Variants in THBS2 observed in about 807,000 individuals in gnomAD.
THBS2 encodes the protein thrombospondin-2.
Under a neutral mutation model 135.2 loss-of-function variants are expected in THBS2, and 47 were observed. The ratio of observed to expected loss-of-function variants is 0.35; its 90% confidence interval spans 0.28 to 0.44. The LOEUF is 0.44. Ranked by LOEUF, THBS2 falls within the 20% of genes least tolerant of loss-of-function variation. THBS2 has a pLI of 1.00. For synonymous variants in THBS2, 639 were observed against 633.8 expected (o/e 1.01, Z -0.12); for missense variants, 1,288 against 1,603.1 (o/e 0.80, Z 3.36).
chr6:169,248,834 T>A lies in THBS2; in HGVS notation c.192A>T (p.Pro64=), dbSNP rs762093027. The change falls in exon 3 of 22, where the codon CCA becomes CCT. Residue 64 remains proline, a synonymous_variant. Transcript: ENST00000617924. ...TGCTGAGGTCATCTGCGTTCACCGG[T>A]GGGATGTAGTCAAAGCGCACGAAGC... The part of the protein sequence containing the change: ...AYRFVRFDYI[P]PVNADDLSKI... The A allele has an allele frequency of 4.3e-6, 7 of 1,610,718 alleles. No homozygotes were observed. The Admixed American group carries it at 8.3e-5, about 19-fold the overall frequency.
Position 169,232,090 on chromosome 6 carries a change from G to C in THBS2, c.2041C>G (p.Gln681Glu), listed in dbSNP as rs1779858162. 1.2e-6 allele frequency: 2 copies of C among 1,613,968 alleles called. No individual in the cohort carries two copies. The highest frequency in any genetic ancestry group is 2.7e-5 in the African/African-American group (2 of 74,920). Residue 681 changes from glutamine (Q) to glutamate (E), a missense_variant, in exon 13 of 22, where the codon CAG (glutamine) becomes GAG (glutamate). By Grantham distance (29) the Gln-to-Glu change is conservative. Transcript: ENST00000617924. ...AGCCCGTCGCCCGCGTAGCCTGTCT[G>C]GCACTCGCACTTGTACATGGGGTCG... ...FSDPMYKCEC[Q>E]TGYAGDGLIC... is the part of the protein sequence containing the mutation.
At chr6:169,244,313 A>AACACACACACACAC (rs35075375) in intron 4 of THBS2, among the ~76,000 whole-genome samples, 111 of 147,310 alleles carry the variant, frequency 7.5e-4, no homozygotes, top group African/African-American at 2.4e-3. Context: ...GTATGCTGGT[A>AACACACACACACAC]ACACACACAC....
rs79957619 is a variant in THBS2, at chr6:169,250,828, G to C, written c.-22-22C>G. ...GCTCCTGGGAATACAGGAAACCCTT[G>C]TTAGTGATGAGTCCACAGCTGCAAC... On this transcript the variant is annotated intron_variant, in intron 1 of 21. Transcript: ENST00000617924. 5,335 of 1,587,130 alleles carry C rather than the reference G, an allele frequency of 3.4e-3. 165 individuals are homozygous for C. In the African/African-American group the frequency reaches 0.064, roughly 19 times the overall value.
At chr6:169,223,030 T>G (rs536230947) in intron 18 of THBS2, among the ~76,000 whole-genome samples, 3 of 152,128 alleles carry the variant, frequency 2.0e-5, no homozygotes, top group Admixed American at 2.0e-4. Context: ...GTCTATAAAA[T>G]AAAATGGTTT....
chr6:169,221,023 AG>A (rs893513436), intron 20 of THBS2, among the ~76,000 whole-genome samples: 4 of 152,220 alleles, frequency 2.6e-5, no homozygotes, highest in Non-Finnish European at 4.4e-5. Context: ...CCAAGGGAAA[AG>A]ATTCTGTTGG....
chr6:169,220,227 T>C lies in THBS2; in HGVS notation c.3482A>G (p.Tyr1161Cys). 3 of 1,613,870 alleles carry C rather than the reference T, an allele frequency of 1.9e-6. No individual in the cohort carries two copies. The highest frequency in any genetic ancestry group is 2.5e-6 in the Non-Finnish European group (3 of 1,179,932). The change falls in exon 21 of 22, where the codon TAT becomes TGT. Residue 1161 changes from tyrosine (Y) to cysteine (C), a missense_variant. Coordinates refer to ENST00000617924, the MANE Select transcript of THBS2 (RefSeq NM_003247.5). ...GLFVFSQEMV[Y>C]FSDLKYECRD... ...GCATTCGTACTTGAGGTCTGAGAAA[T>C]AGACCATTTCTTGAGAGAAGACAAA...
At chr6:169,246,334 TG>T in intron 3 of THBS2, 53 bp from the exon 4 acceptor site, 1 of 1,406,708 alleles carries the variant, frequency 7.1e-7, no homozygotes, top group Non-Finnish European at 1.0e-6. Context: ...ATCCAATGTT[TG>T]ATGCCAAGCT....
In THBS2 at chr6:169,239,691, A is replaced by C. The variant is rs1780224417; in HGVS notation, c.1037T>G (p.Phe346Cys). Residue 346 changes from phenylalanine to cysteine, a missense_variant, in exon 7 of 22, where the codon TTT becomes TGT. This residue lies in a region of THBS2 where 874 missense variants were observed against 1,156.1 expected (regional missense o/e 0.76). Transcript: ENST00000617924. ...GGTGATTTGGTGGCAAATGGTTTTA[A>C]ATTTCTACAAGTGAAGAAAGGCATG... ...DSCTTCTCKK[F>C]KTICHQITCP... is the part of the protein sequence containing the mutation. 2 of 1,592,624 alleles carry C rather than the reference A, an allele frequency of 1.3e-6. No individual in the cohort carries two copies. The highest frequency in any genetic ancestry group is 1.7e-6 in the Non-Finnish European group (2 of 1,169,458).
Position 169,223,142 on chromosome 6 carries a change from G to A in THBS2, c.3001+106C>T. On this transcript the variant is annotated intron_variant, in intron 18 of 21. Coordinates refer to ENST00000617924, the MANE Select transcript of THBS2 (RefSeq NM_003247.5). ...ATGGAAGGATGGGGGCTTCCAGAAAGACCACATGGCATCCCACCTGCATGA... is the reference window on the plus strand; with the variant it reads ...ATGGAAGGATGGGGGCTTCCAGAAAAACCACATGGCATCCCACCTGCATGA... 4 of 1,067,690 alleles carry A rather than the reference G, an allele frequency of 3.7e-6. No homozygotes were observed. In the South Asian group the frequency reaches 6.6e-5, roughly 18 times the overall value. The allele number at this position is 1,067,690 out of a possible 1,614,324, so 66.1% of individuals were successfully genotyped here. A position where few individuals can be genotyped will look rare whatever the true frequency, so the allele number is the denominator to read the frequency against.
chr6:169,245,053 G>C (rs1780495709), intron 4 of THBS2, among the ~76,000 whole-genome samples: 1 of 152,242 alleles, frequency 6.6e-6, no homozygotes, highest in African/African-American at 2.4e-5. Context: ...CTGATGTATA[G>C]ATTCATGACA....
chr6:169,227,046 G>A (rs571615053), intron 15 of THBS2, among the ~76,000 whole-genome samples: 3 of 152,320 alleles, frequency 2.0e-5, no homozygotes, highest in Admixed American at 6.5e-5. Context: ...TGGCCACCAC[G>A]AGCCCTCAGA....
chr6:169,251,793 GCAGCA>G (rs1780760355), intron 1 of THBS2, among the ~76,000 whole-genome samples: 1 of 151,780 alleles, frequency 6.6e-6, no homozygotes, highest in Non-Finnish European at 1.5e-5. Flanking sequence ...GAAATGCTTG[GCAGCA>G]CCTGCAGACC....
At chr6:169,228,838 C>G (rs1395704562) in intron 14 of THBS2, among the ~76,000 whole-genome samples, 1 of 150,410 alleles carries the variant, frequency 6.6e-6, no homozygotes, top group Admixed American at 6.7e-5. Flanking sequence ...GCAAGAGAAT[C>G]GCTTGAACCC....
At chr6:169,228,074 C>CA (rs11284439) in intron 15 of THBS2, 48 bp downstream of exon 15, 58,180 of 1,395,680 alleles carry the variant, frequency 0.042, no homozygotes, top group East Asian at 0.048. Flanking sequence ...AACTCCATCT[C>CA]AAAAAAAAAA....
intron 15 of THBS2, among the ~76,000 whole-genome samples, chr6:169,227,488 T>C (rs1231832675): frequency 6.6e-6 from 1 of 152,148 alleles, no homozygotes; most frequent in Non-Finnish European, 1.5e-5. Context: ...TGAAATGGCT[T>C]CTTGGAATTT....
In THBS2 at chr6:169,221,410, C is replaced by G. The variant is rs775774588; in HGVS notation, c.3371+20G>C. On this transcript the variant is annotated intron_variant, in intron 20 of 21. Coordinates refer to ENST00000617924, the MANE Select transcript of THBS2 (RefSeq NM_003247.5). ...GGGAAGCCCCTTGGAAGAAATGCAG[C>G]TGTGCTGACCTGCCCTCACCTGATG... 2.5e-6 allele frequency: 4 copies of G among 1,610,194 alleles called. No individual in the cohort carries two copies. The highest frequency in any genetic ancestry group is 3.4e-6 in the Non-Finnish European group (4 of 1,176,806).
intron 3 of THBS2, among the ~76,000 whole-genome samples, chr6:169,247,210 T>G (rs1780580090): frequency 6.6e-6 from 1 of 152,236 alleles, no homozygotes; most frequent in African/African-American, 2.4e-5. Flanking sequence ...GGCAGCCCTC[T>G]CTGATTAATC....
chr6:169,249,021 G>A (rs867895100), intron 2 of THBS2, 48 bp from the exon 3 acceptor site: 10 of 1,538,474 alleles, frequency 6.5e-6, no homozygotes, highest in Middle Eastern at 3.5e-4. Context: ...GGAAGAGGGC[G>A]AGGTTGGCCT....
intron 20 of THBS2, among the ~76,000 whole-genome samples, chr6:169,221,035 G>A (rs144160517): frequency 1.7e-3 from 256 of 152,306 alleles, no homozygotes; most frequent in African/African-American, 5.9e-3. Flanking sequence ...ATTCTGTTGG[G>A]CTAACTGTGT....
Sources: gnomAD v4.1 joint callset for allele counts (sites outside exome capture counted in the v4.1 genomes callset) on GRCh38, gnomAD v4.1.1 for gene constraint, gnomAD v4.1.1 regional missense constraint, MANE v1.5 for transcripts, NCBI Gene and HGNC (gene_info 2026-07-23, HGNC 2026-07-21) for gene names.